ADCY1: variants seen among roughly 807,000 people sequenced by gnomAD.
The protein encoded by ADCY1 is adenylate cyclase 1.
Under a neutral mutation model 105.4 loss-of-function variants are expected in ADCY1, and 28 were observed. The ratio of observed to expected loss-of-function variants is 0.27; its 90% CI spans 0.20 to 0.36. The LOEUF (loss-of-function observed/expected upper bound fraction) is 0.36. ADCY1 is among the 10% of genes least tolerant of loss of function. The probability of loss-of-function intolerance (pLI) is 1.00; values close to 1 mark genes in which losing one functional copy is unlikely to be tolerated. For synonymous variants in ADCY1, 655 were observed against 623.8 expected (o/e 1.05, Z -0.75); for missense variants, 977 against 1,434.2 (o/e 0.68, Z 5.15).
At chr7:45,642,284 A>T (rs1018632084) in intron 4 of ADCY1, among the ~76,000 whole-genome samples, 1 of 152,156 alleles carries the variant, frequency 6.6e-6, no homozygotes, top group East Asian at 1.9e-4. Flanking sequence ...AATAATGTGC[A>T]TGGGCTCAGG....
At chr7:45,610,949 A>AGTGGAGCTGTTGAGGTGATG (rs1414932279) in intron 3 of ADCY1, among the ~76,000 whole-genome samples, 14 of 9,982 alleles carry the variant, frequency 1.4e-3, no homozygotes, top group African/African-American at 2.7e-3. Flanking sequence ...AGGAGGTGAT[A>AGTGGAGCTGTTGAGGTGATG]GTGGAGGTGT....
At chr7:45,663,462 G>C (rs1228901214) in intron 8 of ADCY1, among the ~76,000 whole-genome samples, 9 of 152,214 alleles carry the variant, frequency 5.9e-5, no homozygotes, top group African/African-American at 2.2e-4. Flanking sequence ...CCAGGGCAGA[G>C]GGGACTGGCC....
intron 1 of ADCY1, among the ~76,000 whole-genome samples, chr7:45,579,189 G>A (rs76835720): frequency 0.03 from 4,593 of 152,212 alleles, 95 homozygotes; most frequent in African/African-American, 0.055. Flanking sequence ...AGCAAAGCTC[G>A]TGGCCTAGGT....
intron 1 of ADCY1, among the ~76,000 whole-genome samples, chr7:45,580,164 C>T (rs1026826504): frequency 4.6e-5 from 7 of 152,190 alleles, no homozygotes; most frequent in Non-Finnish European, 7.3e-5. Flanking sequence ...TCCTGGGCAT[C>T]GGGCCAGGGG....
Position 45,575,920 on chromosome 7 carries a change from C to T in ADCY1, c.639+738C>T, listed in dbSNP as rs1446811255. 2.0e-5 allele frequency among the ~76,000 whole-genome samples: 3 copies of T among 152,226 alleles called. No homozygotes were observed. The highest frequency in any genetic ancestry group is 2.9e-5 in the Non-Finnish European group (2 of 68,040). On this transcript the variant is annotated intron_variant, in intron 1 of 19. Coordinates refer to ENST00000297323, the MANE Select transcript of ADCY1 (RefSeq NM_021116.4). The surrounding 1 kb of genome is among the most constrained non-coding windows in gnomAD (Gnocchi z 4.7). The stretch of plus-strand genomic sequence containing the variant: ...TGCCTCCCGCGGACTCTTCCTGGGC[C>T]CTGGAGGAGCCTGCTCTTCCAACTG...
intron 5 of ADCY1, among the ~76,000 whole-genome samples, chr7:45,654,415 T>C (rs1425335555): frequency 6.6e-6 from 1 of 152,242 alleles, no homozygotes; most frequent in Non-Finnish European, 1.5e-5. Context: ...GTAAATGGCA[T>C]GTGCTTTTCC....
At chr7:45,597,068 C>T (rs1343234924) in intron 2 of ADCY1, among the ~76,000 whole-genome samples, 3 of 152,184 alleles carry the variant, frequency 2.0e-5, no homozygotes, top group Non-Finnish European at 2.9e-5. Flanking sequence ...TCAGAAAACA[C>T]CTCCCAGTGT....
chr7:45,713,592 C>T lies in ADCY1; in HGVS notation c.3058-101C>T, dbSNP rs916277091. 8 of 677,914 alleles carry T rather than the reference C, an allele frequency of 1.2e-5. No individual in the cohort carries two copies. The African/African-American group carries it at 1.2e-4, about 10-fold the overall frequency. 42.0% of individuals were successfully genotyped at this position (677,914 alleles called of 1,614,324 possible). The stretch of plus-strand genomic sequence containing the variant: ...CATCCCAGTGCCAGGGTTGGGCAGT[C>T]AGGGTGGACAGCAACAGATGCAGGA... On this transcript the variant is annotated intron_variant, in intron 19 of 19. Transcript: ENST00000297323.
chr7:45,605,667 A>G (rs1237141258), intron 2 of ADCY1, among the ~76,000 whole-genome samples: 1 of 152,146 alleles, frequency 6.6e-6, no homozygotes. Context: ...TTTGGGGTAT[A>G]TACTTCTTGT....
intron 5 of ADCY1, among the ~76,000 whole-genome samples, chr7:45,651,712 C>G (rs1367669185): frequency 6.6e-6 from 1 of 152,204 alleles, no homozygotes; most frequent in Non-Finnish European, 1.5e-5. Context: ...AAGGAGCGGG[C>G]CATGCCCCAA....
At chr7:45,654,792 T>C (rs187396650) in intron 5 of ADCY1, among the ~76,000 whole-genome samples, 212 of 152,314 alleles carry the variant, frequency 1.4e-3, no homozygotes, top group African/African-American at 4.8e-3. Flanking sequence ...TTCCCTAAAA[T>C]TTTAGGGGAC....
intron 3 of ADCY1, among the ~76,000 whole-genome samples, chr7:45,621,713 C>A (rs1244347239): frequency 2.0e-5 from 3 of 152,096 alleles, no homozygotes; most frequent in Non-Finnish European, 2.9e-5. Flanking sequence ...CAAAATAGGT[C>A]ATTTTCCTTT....
chr7:45,582,814 C>T (rs1437558160), intron 1 of ADCY1, among the ~76,000 whole-genome samples: 1 of 152,186 alleles, frequency 6.6e-6, no homozygotes, highest in Non-Finnish European at 1.5e-5. Context: ...GATGCCAGCC[C>T]CAGGAAGGAT....
At chr7:45,670,900 A>G (rs1445354054) in intron 8 of ADCY1, among the ~76,000 whole-genome samples, 1 of 152,220 alleles carries the variant, frequency 6.6e-6, no homozygotes, top group East Asian at 1.9e-4. Context: ...CCTTCACGTG[A>G]ACTCTCAGAA....
rs746848171 is a variant in ADCY1 at position 45,574,966 on chromosome 7, G to C, written c.423G>C (p.Ala141=). The change falls in exon 1 of 20, where the codon GCG becomes GCC. Residue 141 remains alanine, a synonymous_variant. Coordinates refer to ENST00000297323, the MANE Select transcript of ADCY1 (RefSeq NM_021116.4). The surrounding 1 kb of genome is among the most constrained non-coding windows in gnomAD (Gnocchi z 7.0). The part of the protein sequence containing the change: ...LTFALLCCPF[A]LGGPARGSAG... ...TCGCGCTGCTCTGCTGTCCTTTCGC[G>C]CTGGGCGGCCCCGCCCGGGGTTCCG... The C allele has an allele frequency of 6.0e-5, 96 of 1,611,136 alleles. No homozygotes were observed. The highest frequency in any genetic ancestry group is 1.2e-4 in the South Asian group (11 of 90,984).
chr7:45,599,320 T>C (rs1006466594), intron 2 of ADCY1, among the ~76,000 whole-genome samples: 1 of 151,938 alleles, frequency 6.6e-6, no homozygotes, highest in African/African-American at 2.4e-5. Flanking sequence ...TCTGGCTCCA[T>C]GCTGAGGCGT....
chr7:45,681,976 T>C (rs1784565886), intron 11 of ADCY1, among the ~76,000 whole-genome samples: 1 of 152,212 alleles, frequency 6.6e-6, no homozygotes, highest in Non-Finnish European at 1.5e-5. Flanking sequence ...CCTTCACCCC[T>C]ATCTGGTTTC....
intron 1 of ADCY1, among the ~76,000 whole-genome samples, chr7:45,582,816 A>G (rs1584246025): frequency 6.6e-6 from 1 of 152,176 alleles, no homozygotes; most frequent in Non-Finnish European, 1.5e-5. Flanking sequence ...TGCCAGCCCC[A>G]GGAAGGATGT....
intron 5 of ADCY1, among the ~76,000 whole-genome samples, chr7:45,653,616 G>A (rs1026635906): frequency 7.9e-5 from 12 of 152,206 alleles, no homozygotes; most frequent in African/African-American, 2.9e-4. Flanking sequence ...TTCTCCTGCT[G>A]GTGAAGTCAG....
Sources: gnomAD v4.1 joint callset for allele counts (sites outside exome capture counted in the v4.1 genomes callset) on GRCh38, gnomAD v4.1.1 for gene constraint, Gnocchi (gnomAD v3.1) non-coding constraint, MANE v1.5 for transcripts, NCBI Gene and HGNC (gene_info 2026-07-23, HGNC 2026-07-21) for gene names.